EIF2AK2: variants seen among roughly 807,000 people sequenced by gnomAD.
EIF2AK2 encodes interferon-induced, double-stranded RNA-activated protein kinase.
Under a neutral mutation model 70.5 loss-of-function variants are expected in EIF2AK2, and 40 were observed. The ratio of observed to expected loss-of-function variants is 0.57; its 90% CI spans 0.44 to 0.74. EIF2AK2 has a LOEUF of 0.74. Ranked by LOEUF, EIF2AK2 falls within the 30% of genes least tolerant of loss-of-function variation. The pLI is 0.00. For missense variants in EIF2AK2, 555 were observed against 644.3 expected (o/e 0.86, Z 1.50); for synonymous variants, 198 against 220.9 (o/e 0.90, Z 0.92).
Position 37,148,906 on chromosome 2 carries a change from G to A in EIF2AK2, c.-66C>T, listed in dbSNP as rs1675649969. 6 of 826,996 alleles carry A rather than the reference G, an allele frequency of 7.3e-6. No individual in the cohort carries two copies. The highest frequency in any genetic ancestry group is 1.3e-5 in the Non-Finnish European group (6 of 462,112). The allele number at this position is 826,996 out of a possible 1,614,324, so 51.2% of individuals were successfully genotyped here. The stretch of plus-strand genomic sequence containing the variant: ...GCACGCAGATAATCACGGAAGTGTG[G>A]ATGTTGATTCTGAAGACCGCCAGAG... On this transcript the variant is annotated 5_prime_UTR_variant, in exon 2 of 17. Coordinates refer to ENST00000233057, the MANE Select transcript of EIF2AK2 (RefSeq NM_001135651.3).
Position 37,146,863 on chromosome 2 carries a change from T to C in EIF2AK2, c.230A>G (p.Lys77Arg), listed in dbSNP as rs755037475. The change falls in exon 4 of 17, where the codon AAG becomes AGG. Residue 77 changes from lysine to arginine, a missense_variant. Lys to Arg is a conservative substitution (Grantham distance 26, BLOSUM62 2). Coordinates refer to ENST00000233057, the MANE Select transcript of EIF2AK2 (RefSeq NM_001135651.3). Reference sequence around the variant, plus strand: ...AAGGCAATCACTCACCTTCTTTTCCTTATTAAGTATCTCAACAGCTAATTT... The same window carrying C: ...AAGGCAATCACTCACCTTCTTTTCCCTATTAAGTATCTCAACAGCTAATTT... ...AAKLAVEILN[K>R]EKKAVSPLLL... 2 of 1,613,546 alleles carry C rather than the reference T, an allele frequency of 1.2e-6. No individual in the cohort carries two copies. Among genetic ancestry groups the C allele is most frequent in the South Asian group, 1.1e-5 (1 of 90,920 alleles).
intron 4 of EIF2AK2, among the ~76,000 whole-genome samples, chr2:37,143,159 C>T (rs140682803): frequency 0.03 from 4,455 of 146,374 alleles, 95 homozygotes; most frequent in Middle Eastern, 0.058. Flanking sequence ...ACATGGGAGG[C>T]GGAGGTTGCA....
chr2:37,111,181 G>A (rs1269959265), intron 14 of EIF2AK2, among the ~76,000 whole-genome samples: 1 of 152,148 alleles, frequency 6.6e-6, no homozygotes, highest in Admixed American at 6.5e-5. Context: ...CGGGTGTAAA[G>A]TTTCAGTTTT....
chr2:37,105,046 T>C lies in EIF2AK2; in HGVS notation c.*2227A>G, dbSNP rs942991269. The C allele has an allele frequency of 6.6e-6, 1 of 152,264 alleles. No individual in the cohort carries two copies. The highest frequency in any genetic ancestry group is 2.4e-5 in the African/African-American group (1 of 41,474). The allele number at this position is 152,264 out of a possible 1,614,324, so 9.4% of individuals were successfully genotyped here. A position where few individuals can be genotyped will look rare whatever the true frequency, so the allele number is the denominator to read the frequency against. On this transcript the variant is annotated 3_prime_UTR_variant, in exon 17 of 17. Coordinates refer to ENST00000233057, the MANE Select transcript of EIF2AK2 (RefSeq NM_001135651.3). ...TTTCATCCAATAGTTTTAGCATCTA[T>C]TGATGAACGTTACGTGAAAAATCTA...
At chr2:37,151,631 G>C (rs538350855) in intron 1 of EIF2AK2, among the ~76,000 whole-genome samples, 2 of 152,248 alleles carry the variant, frequency 1.3e-5, no homozygotes, top group Admixed American at 6.5e-5. Context: ...CAAAGACTTA[G>C]ACAGGAATGT....
In EIF2AK2 at chr2:37,109,181, G is replaced by A; in HGVS notation, c.1479+13C>T. ...ATTTTTCTTGTTTAATTCTTTCTTT[G>A]AGATAATTTTACCTTTGATGTTTCA... is the stretch of plus-strand genomic sequence containing the variant. On this transcript the variant is annotated intron_variant, in intron 15 of 16. Coordinates refer to ENST00000233057, the MANE Select transcript of EIF2AK2 (RefSeq NM_001135651.3). 1 of 1,612,118 alleles carries A rather than the reference G, an allele frequency of 6.2e-7. No homozygotes were observed. Among genetic ancestry groups the A allele is most frequent in the East Asian group, 2.2e-5 (1 of 44,832 alleles).
intron 1 of EIF2AK2, among the ~76,000 whole-genome samples, chr2:37,154,800 G>C (rs1349088606): frequency 6.6e-6 from 1 of 152,118 alleles, no homozygotes; most frequent in African/African-American, 2.4e-5. Flanking sequence ...GACCTCAGGT[G>C]ATCCACCCAC....
At chr2:37,116,203 G>A (rs1468629658) in intron 13 of EIF2AK2, among the ~76,000 whole-genome samples, 1 of 151,688 alleles carries the variant, frequency 6.6e-6, no homozygotes, top group Non-Finnish European at 1.5e-5. Flanking sequence ...CCAGCCCATA[G>A]GAGGTATTGA....
chr2:37,120,125 C>A lies in EIF2AK2; in HGVS notation c.1082G>T (p.Cys361Phe). 1.4e-6 allele frequency: 2 copies of A among 1,458,170 alleles called. No individual in the cohort carries two copies. The highest frequency in any genetic ancestry group is 1.8e-6 in the Non-Finnish European group (2 of 1,099,110). 90.3% of individuals were successfully genotyped at this position (1,458,170 alleles called of 1,614,324 possible). ...SKNSSRSKTK[C>F]LFIQMEFCDK... ...ACAGAATTCCATTTGGATGAAAAGG[C>A]ACTTAGTCTTTGACCTGGGTATAAA... Residue 361 changes from cysteine to phenylalanine, a missense_variant, in exon 13 of 17, where the codon TGC (cysteine) becomes TTC (phenylalanine). Coordinates refer to ENST00000233057, the MANE Select transcript of EIF2AK2 (RefSeq NM_001135651.3).
intron 11 of EIF2AK2, among the ~76,000 whole-genome samples, chr2:37,124,063 G>A (rs968742554): frequency 6.6e-6 from 1 of 151,696 alleles, no homozygotes; most frequent in African/African-American, 2.4e-5. Context: ...CACCCCTAGG[G>A]CTCAAGCGAT....
chr2:37,144,717 A>G (rs1295473628), intron 4 of EIF2AK2, among the ~76,000 whole-genome samples: 1 of 151,896 alleles, frequency 6.6e-6, no homozygotes, highest in Non-Finnish European at 1.5e-5. Flanking sequence ...AGTAGCTGGA[A>G]CTACAGGCAC....
At position 37,138,521 on chromosome 2, in the gene EIF2AK2, AC is replaced by A; in HGVS notation, c.580del (p.Val194Ter). The A allele has an allele frequency of 3.1e-6, 5 of 1,614,138 alleles. No individual in the cohort carries two copies. Among genetic ancestry groups the A allele is most frequent in the Non-Finnish European group, 3.4e-6 (4 of 1,179,998 alleles). On this transcript the variant is annotated frameshift_variant, in exon 7 of 17. Coordinates refer to ENST00000233057, the MANE Select transcript of EIF2AK2 (RefSeq NM_001135651.3). LOFTEE classifies it high-confidence loss of function. ...TGTCTACACTTACAGTGTGCTGGTC[AC>A]TAAAGAGTTGCTTTGGGACTCACAC... ...TTCESQSNSL[V>X]TSTLASESSS...
chr2:37,149,916 C>A (rs571787456), intron 1 of EIF2AK2, among the ~76,000 whole-genome samples: 14 of 152,094 alleles, frequency 9.2e-5, no homozygotes, highest in African/African-American at 3.4e-4. Context: ...AGTGAACAAT[C>A]GAAAGAACTG....
chr2:37,111,404 T>TC (rs1244130794), intron 14 of EIF2AK2, among the ~76,000 whole-genome samples: 2 of 151,500 alleles, frequency 1.3e-5, no homozygotes, highest in East Asian at 3.9e-4. Context: ...TTTTCTTTTT[T>TC]TTTTTTTTTC....
intron 10 of EIF2AK2, among the ~76,000 whole-genome samples, chr2:37,130,877 T>C (rs1424193847): frequency 6.6e-6 from 1 of 152,244 alleles, no homozygotes; most frequent in Admixed American, 6.5e-5. Flanking sequence ...GCCAGGCTTT[T>C]AAATTTTTTG....
chr2:37,129,874 G>C lies in EIF2AK2; in HGVS notation c.786-3463C>G, dbSNP rs922689607. 5.9e-5 allele frequency among the ~76,000 whole-genome samples: 9 copies of C among 152,124 alleles called. No homozygotes were observed. In the South Asian group the frequency reaches 1.9e-3, roughly 32 times the overall value. Reference sequence around the variant, plus strand: ...CCTATTTATTATCATCTCAAGAACAGAACCCTTCCTCAGACATTCCATATC... The same window carrying C: ...CCTATTTATTATCATCTCAAGAACACAACCCTTCCTCAGACATTCCATATC... On this transcript the variant is annotated intron_variant, in intron 10 of 16. Coordinates refer to ENST00000233057, the MANE Select transcript of EIF2AK2 (RefSeq NM_001135651.3).
chr2:37,150,928 T>A (rs1026384505), intron 1 of EIF2AK2, among the ~76,000 whole-genome samples: 1 of 152,114 alleles, frequency 6.6e-6, no homozygotes, highest in Admixed American at 6.6e-5. Flanking sequence ...TCTATAGCAA[T>A]GATTTAAATT....
At chr2:37,126,967 GAA>G (rs57802509) in intron 10 of EIF2AK2, among the ~76,000 whole-genome samples, 6 of 52,164 alleles carry the variant, frequency 1.2e-4, no homozygotes, top group African/African-American at 2.3e-4. Context: ...CAAAAAAACA[GAA>G]AAAAAAAAAA....
chr2:37,150,043 T>C (rs1232478796), intron 1 of EIF2AK2, among the ~76,000 whole-genome samples: 1 of 152,090 alleles, frequency 6.6e-6, no homozygotes, highest in Non-Finnish European at 1.5e-5. Flanking sequence ...ATGTTCTTCC[T>C]GCTGTGCATT....
Sources: allele counts gnomAD v4.1 joint callset (sites outside exome capture counted in the v4.1 genomes callset), GRCh38; gene constraint gnomAD v4.1.1; transcripts MANE v1.5; gene names NCBI Gene and HGNC (gene_info 2026-07-23, HGNC 2026-07-21).